Variants in NDRG4 observed in about 807,000 individuals in gnomAD.
The protein encoded by NDRG4 is NDRG family member 4.
A neutral mutation model predicts 55.8 loss-of-function variants in NDRG4; 38 were observed. That is an observed-to-expected ratio of 0.68 (90% CI 0.53 to 0.89). The LOEUF (loss-of-function observed/expected upper bound fraction) is 0.89, where lower values mean the gene tolerates loss of function less well. NDRG4 is among the 40% of genes least tolerant of loss of function. NDRG4 has a pLI of 0.00. For missense variants in NDRG4, 455 were observed against 468.6 expected (o/e 0.97, Z 0.27); for synonymous variants, 190 against 182.7 (o/e 1.04, Z -0.32).
At chr16:58,481,672 G>A (rs114502035) in intron 1 of NDRG4, among the ~76,000 whole-genome samples, 26 of 152,296 alleles carry the variant, frequency 1.7e-4, no homozygotes, top group African/African-American at 5.8e-4. Flanking sequence ...CATGTAGGCG[G>A]GTGGAAGCAT....
chr16:58,492,536 GTGTGTGTGTGTGT>G (rs2035917809), intron 2 of NDRG4, among the ~76,000 whole-genome samples: 2 of 138,328 alleles, frequency 1.4e-5, no homozygotes, highest in Non-Finnish European at 3.2e-5. Flanking sequence ...GTGTGTGTGT[GTGTGTGTGTGTGT>G]GTGAGAGACA....
At chr16:58,493,159 T>G (rs2035992502) in intron 2 of NDRG4, among the ~76,000 whole-genome samples, 1 of 152,232 alleles carries the variant, frequency 6.6e-6, no homozygotes. Flanking sequence ...TCCACTCCTG[T>G]GATTTGGGGT....
chr16:58,489,057 G>A (rs1276405209), intron 2 of NDRG4, among the ~76,000 whole-genome samples: 2 of 152,092 alleles, frequency 1.3e-5, no homozygotes, highest in Non-Finnish European at 2.9e-5. Flanking sequence ...CCAGCACTTT[G>A]GGAGGCCGAG....
In NDRG4 at chr16:58,507,810, G is replaced by A. The variant is rs770532411; in HGVS notation, c.623G>A (p.Arg208His). ...LQLFWNMYNS[R>H]RDLDINRPGT... is the part of the protein sequence containing the mutation. ...CTGCCCCTCCCCCTGCCCCACAGCCGCAGAGACCTGGACATTAACCGGCCT... is the reference window on the plus strand; with the variant it reads ...CTGCCCCTCCCCCTGCCCCACAGCCACAGAGACCTGGACATTAACCGGCCT... Residue 208 changes from arginine to histidine, a missense_variant and splice_region_variant, in exon 9 of 15, where the codon CGC becomes CAC. Arg to His is a conservative substitution (Grantham distance 29). Coordinates refer to ENST00000570248, the MANE Select transcript of NDRG4 (RefSeq NM_001242835.2). 2.4e-5 allele frequency: 38 copies of A among 1,613,476 alleles called. No individual in the cohort carries two copies. The highest frequency in any genetic ancestry group is 3.3e-5 in the Admixed American group (2 of 60,002).
chr16:58,468,771 C>T (rs118051581), intron 1 of NDRG4, among the ~76,000 whole-genome samples: 4,136 of 152,212 alleles, frequency 0.027, 75 homozygotes, highest in Non-Finnish European at 0.041. Context: ...CCCAAGACAC[C>T]GTCACACCTG....
At chr16:58,474,232 G>A (rs1400193504) in intron 1 of NDRG4, among the ~76,000 whole-genome samples, 1 of 151,770 alleles carries the variant, frequency 6.6e-6, no homozygotes, top group Admixed American at 6.6e-5. Context: ...TAGTAGAGAC[G>A]GGGTTTCACC....
intron 13 of NDRG4, among the ~76,000 whole-genome samples, chr16:58,510,390 G>A (rs2038646035): frequency 6.6e-6 from 1 of 152,224 alleles, no homozygotes; most frequent in South Asian, 2.1e-4. Context: ...CTGAGGCCTA[G>A]GAGAATGGTG....
At chr16:58,494,843 A>AG (rs1555532884) in intron 2 of NDRG4, 7 of 815,472 alleles carry the variant, frequency 8.6e-6, no homozygotes, top group East Asian at 5.4e-5. Context: ...AAAAAAAAAA[A>AG]AAAAGAAAAG....
At chr16:58,509,457 A>C (rs930307993) in intron 13 of NDRG4, 105 bp downstream of exon 13, 5 of 1,216,016 alleles carry the variant, frequency 4.1e-6, no homozygotes, top group Non-Finnish European at 5.9e-6. Context: ...GTCAGGTGGT[A>C]GTAGGGAGCC....
Position 58,506,620 on chromosome 16 carries a change from G to C in NDRG4, c.516+6G>C, listed in dbSNP as rs372969385. 78 of 1,552,668 alleles carry C rather than the reference G, an allele frequency of 5.0e-5. No homozygotes were observed. The highest frequency in any genetic ancestry group is 2.0e-4 in the Admixed American group (10 of 48,938). On this transcript the variant is annotated splice_donor_region_variant and intron_variant, in intron 7 of 14. Coordinates refer to ENST00000570248, the MANE Select transcript of NDRG4 (RefSeq NM_001242835.2). ...TCTCCCACCTCTTCAGCCAGGTAAG[G>C]GGGGGAACTTCTGCAGATCTGGGGT...
intron 1 of NDRG4, among the ~76,000 whole-genome samples, chr16:58,485,250 T>C (rs74019889): frequency 0.046 from 6,963 of 152,268 alleles, 406 homozygotes; most frequent in African/African-American, 0.13. Flanking sequence ...GCGTCTTTCT[T>C]GTGGAGCCCC....
At chr16:58,485,820 AATAATATTTTATT>A (rs2035023049) in intron 1 of NDRG4, among the ~76,000 whole-genome samples, 1 of 152,142 alleles carries the variant, frequency 6.6e-6, no homozygotes, top group African/African-American at 2.4e-5. Context: ...CATTATATTA[AATAATATTTTATT>A]ATTGACACAC....
At position 58,467,968 on chromosome 16, in the gene NDRG4, T is replaced by C. The variant is rs542198365; in HGVS notation, c.-24+4171T>C. Among the ~76,000 whole-genome samples, 8 of 152,270 alleles carry C rather than the reference T, an allele frequency of 5.3e-5. No homozygotes were observed. In the South Asian group the frequency reaches 1.0e-3, roughly 20 times the overall value. ...CCCGCAGGGTGTTCCAGTTCCTTCGTTGGGTTCTCACAACAGTCCAGGCCT... is the reference window on the plus strand; with the variant it reads ...CCCGCAGGGTGTTCCAGTTCCTTCGCTGGGTTCTCACAACAGTCCAGGCCT... On this transcript the variant is annotated intron_variant, in intron 1 of 15. Coordinates refer to the NDRG4 transcript ENST00000258187.
rs777872749 is a variant in NDRG4, at chr16:58,506,992, G to C, written c.597G>C (p.Gln199His). The change falls in exon 8 of 15, where the codon CAG becomes CAC. Residue 199 changes from glutamine (Q) to histidine (H), a missense_variant. By Grantham distance (24) the Gln-to-His change is conservative. Transcript: ENST00000570248. ...ACGTGGTGAACCAGGCCAACCTGCA[G>C]CTCTTCTGGAACATGTACAACAGGT... ...IGNVVNQANL[Q>H]LFWNMYNSRR... is the part of the protein sequence containing the mutation. 1.2e-6 allele frequency: 2 copies of C among 1,613,782 alleles called. No individual in the cohort carries two copies. Among genetic ancestry groups the C allele is most frequent in the East Asian group, 4.5e-5 (2 of 44,890 alleles).
At chr16:58,491,356 C>T (rs79664261) in intron 2 of NDRG4, among the ~76,000 whole-genome samples, 3,693 of 152,272 alleles carry the variant, frequency 0.024, 78 homozygotes, top group Middle Eastern at 0.051. Context: ...CCTACCCCCT[C>T]TCTCTGTCTT....
At chr16:58,469,460 T>C (rs1316228119) in intron 1 of NDRG4, among the ~76,000 whole-genome samples, 3 of 152,156 alleles carry the variant, frequency 2.0e-5, no homozygotes, top group Non-Finnish European at 4.4e-5. Flanking sequence ...TATCAATAGC[T>C]TAAAAATATG....
intron 1 of NDRG4, among the ~76,000 whole-genome samples, chr16:58,473,922 T>C (rs1294325741): frequency 2.6e-5 from 4 of 152,028 alleles, no homozygotes; most frequent in Non-Finnish European, 5.9e-5. Context: ...CCTTCAGGGC[T>C]GAACGGGACC....
chr16:58,505,982 A>T (rs960306440), intron 5 of NDRG4: 13 of 320,480 alleles, frequency 4.1e-5, no homozygotes, highest in Non-Finnish European at 7.7e-5. Flanking sequence ...TTGGCCTCCC[A>T]AAGTGCTGGG....
Position 58,511,852 on chromosome 16 carries a change from TAGGG to T in NDRG4, c.*283_*286del. On this transcript the variant is annotated 3_prime_UTR_variant, in exon 15 of 15. Transcript: ENST00000570248. ...GCCCAGGCACAGAAGGGCAGGGCCATAGGGAGGGAGATTCGCTACGGATCCAGGC... is the reference window on the plus strand; with the variant it reads ...GCCCAGGCACAGAAGGGCAGGGCCATAGGGAGATTCGCTACGGATCCAGGC... 1 of 503,206 alleles carries T rather than the reference TAGGG, an allele frequency of 2.0e-6. No homozygotes were observed. The highest frequency in any genetic ancestry group is 3.7e-6 in the Non-Finnish European group (1 of 268,060). 31.2% of individuals were successfully genotyped at this position (503,206 alleles called of 1,614,324 possible). A position where few individuals can be genotyped will look rare whatever the true frequency, so the allele number is the denominator to read the frequency against.
Sources: gnomAD v4.1 joint callset for allele counts (sites outside exome capture counted in the v4.1 genomes callset) on GRCh38, gnomAD v4.1.1 for gene constraint, MANE v1.5 for transcripts, NCBI Gene and HGNC (gene_info 2026-07-23, HGNC 2026-07-21) for gene names.